Variants in HMGN3 observed in about 807,000 individuals in gnomAD.
HMGN3 encodes high mobility group nucleosome-binding domain-containing protein 3.
Under a neutral mutation model 18.8 loss-of-function variants are expected in HMGN3, and 6 were observed. That is an observed-to-expected ratio of 0.32 (90% CI 0.18 to 0.63). The LOEUF is 0.63. Among genes scored for constraint, HMGN3 ranks in the 30% least tolerant of loss-of-function variants. HMGN3 has a pLI of 0.79. For missense variants in HMGN3, 107 were observed against 114.2 expected (o/e 0.94, Z 0.29); for synonymous variants, 40 against 36.5 (o/e 1.10, Z -0.35).
At chr6:79,234,672 C>G in exon 1 of HMGN3, 2 of 1,055,768 alleles carry the variant, frequency 1.9e-6, no homozygotes, top group East Asian at 2.4e-5. Flanking sequence ...ACGACGTAGC[C>G]CGGCCTCTTC....
intron 1 of HMGN3, among the ~76,000 whole-genome samples, chr6:79,233,565 A>ACT (rs1777965485): frequency 6.6e-6 from 1 of 152,120 alleles, no homozygotes; most frequent in Admixed American, 6.5e-5. Context: ...CTTGCTTAGG[A>ACT]ACCAGCTGAG....
chr6:79,228,521 G>A (rs1442650881), intron 1 of HMGN3, among the ~76,000 whole-genome samples: 2 of 152,082 alleles, frequency 1.3e-5, no homozygotes, highest in Non-Finnish European at 2.9e-5. Context: ...TTTCCTAACT[G>A]ATTTATAGAT....
At chr6:79,202,143 G>A (rs779891828) in intron 5 of HMGN3, 14 of 1,571,390 alleles carry the variant, frequency 8.9e-6, no homozygotes, top group South Asian at 4.6e-5. Context: ...ACAGTTGAGC[G>A]AGAGATGTGG....
chr6:79,201,781 C>A, intron 5 of HMGN3, 55 bp from the exon 7 acceptor site: 1 of 1,584,490 alleles, frequency 6.3e-7, no homozygotes, highest in Non-Finnish European at 8.5e-7. Context: ...CTACTATAAG[C>A]AAAGGAAATT....
intron 3 of HMGN3, among the ~76,000 whole-genome samples, chr6:79,206,925 T>C (rs981209172): frequency 1.3e-5 from 2 of 152,210 alleles, no homozygotes; most frequent in African/African-American, 4.8e-5. Flanking sequence ...AAAGATCATT[T>C]TGGAGCTTTA....
intron 1 of HMGN3, among the ~76,000 whole-genome samples, chr6:79,224,083 G>A (rs184641211): frequency 2.0e-5 from 3 of 152,258 alleles, no homozygotes; most frequent in East Asian, 1.9e-4. Flanking sequence ...AATCTTCACC[G>A]CAATCTTATG....
chr6:79,201,787 A>C (rs1039423124), intron 5 of HMGN3, 61 bp from the exon 7 acceptor site: 3 of 1,581,656 alleles, frequency 1.9e-6, no homozygotes, highest in African/African-American at 1.4e-5. Context: ...TAAGCAAAGG[A>C]AATTCCACCC....
At chr6:79,219,267 C>T (rs574751980) in intron 1 of HMGN3, among the ~76,000 whole-genome samples, 1 of 152,216 alleles carries the variant, frequency 6.6e-6, no homozygotes, top group South Asian at 2.1e-4. Context: ...ACTTCTCCAA[C>T]AACAAATACA....
chr6:79,211,050 A>T (rs901020880), intron 2 of HMGN3, among the ~76,000 whole-genome samples: 3 of 150,682 alleles, frequency 2.0e-5, no homozygotes, highest in Non-Finnish European at 4.4e-5. Context: ...AGCTGTCTAA[A>T]CCAGCCAGTA....
At chr6:79,201,836 T>C (rs1172115684) in intron 5 of HMGN3, 110 bp from the exon 7 acceptor site, 3 of 1,485,790 alleles carry the variant, frequency 2.0e-6, no homozygotes, top group Non-Finnish European at 2.7e-6. Context: ...TTTCTTTTTT[T>C]TTTCCAGCTT....
chr6:79,231,758 G>T (rs1777846866), intron 1 of HMGN3, among the ~76,000 whole-genome samples: 1 of 152,164 alleles, frequency 6.6e-6, no homozygotes, highest in African/African-American at 2.4e-5. Flanking sequence ...ACACTTTTAA[G>T]ACCAGCCTAA....
At chr6:79,214,997 T>C (rs756423738) in exon 2 of HMGN3, 1 of 1,527,202 alleles carries the variant, frequency 6.5e-7, no homozygotes, top group Admixed American at 1.9e-5. Context: ...TTTGGATCCA[T>C]CTTTGCCCTC....
At chr6:79,212,738 G>C (rs1268208966) in intron 2 of HMGN3, among the ~76,000 whole-genome samples, 1 of 152,160 alleles carries the variant, frequency 6.6e-6, no homozygotes, top group Non-Finnish European at 1.5e-5. Flanking sequence ...TTTCAAAAGA[G>C]AATCCCCCTT....
chr6:79,203,421 G>A (rs1361862711), intron 4 of HMGN3, among the ~76,000 whole-genome samples, 159 bp downstream of exon 4: 1 of 152,132 alleles, frequency 6.6e-6, no homozygotes, highest in Non-Finnish European at 1.5e-5. Context: ...TCCTATTAAC[G>A]CAGAAAACTG....
At chr6:79,212,205 G>A (rs541937437) in intron 2 of HMGN3, among the ~76,000 whole-genome samples, 8 of 152,240 alleles carry the variant, frequency 5.3e-5, no homozygotes, top group African/African-American at 1.4e-4. Context: ...TAGGGATAGC[G>A]GATTTTGGAA....
chr6:79,202,236 G>A, intron 5 of HMGN3, 40 bp downstream of exon 5: 1 of 1,613,446 alleles, frequency 6.2e-7, no homozygotes, highest in Non-Finnish European at 8.5e-7. Context: ...TTTCTTTAAA[G>A]ACACTGATTC....
At chr6:79,208,380 G>A (rs1776519658) in intron 3 of HMGN3, among the ~76,000 whole-genome samples, 167 bp downstream of exon 3, 1 of 152,150 alleles carries the variant, frequency 6.6e-6, no homozygotes, top group Non-Finnish European at 1.5e-5. Context: ...CAAGTGAATT[G>A]CTTGGCAACA....
intron 1 of HMGN3, among the ~76,000 whole-genome samples, chr6:79,221,816 G>C (rs2127831975): frequency 6.7e-6 from 1 of 148,942 alleles, no homozygotes; most frequent in South Asian, 2.2e-4. Context: ...ACAAGAAAGA[G>C]GAGGGCTCAG....
chr6:79,227,415 T>G (rs1777616528), intron 1 of HMGN3, among the ~76,000 whole-genome samples: 2 of 152,220 alleles, frequency 1.3e-5, no homozygotes, highest in Non-Finnish European at 2.9e-5. Context: ...GGCTCCCTAC[T>G]ACTCACTGCG....
Sources: allele counts gnomAD v4.1 joint callset (sites outside exome capture counted in the v4.1 genomes callset), GRCh38; gene constraint gnomAD v4.1.1; transcripts MANE v1.5; gene names NCBI Gene and HGNC (gene_info 2026-07-23, HGNC 2026-07-21).